The following SLC4A4 variants were observed in gnomAD, a reference collection of about 807,000 sequenced individuals.
The protein encoded by SLC4A4 is electrogenic sodium bicarbonate cotransporter 1.
Under a neutral mutation model 111.5 loss-of-function variants are expected in SLC4A4, and 27 were observed. The ratio of observed to expected loss-of-function variants is 0.24; its 90% CI spans 0.18 to 0.33. The LOEUF is 0.33. SLC4A4 is among the 10% of genes least tolerant of loss of function. The probability of loss-of-function intolerance (pLI) is 1.00; values close to 1 mark genes in which losing one functional copy is unlikely to be tolerated. For synonymous variants in SLC4A4, 443 were observed against 463.4 expected (o/e 0.96, Z 0.57); for missense variants, 909 against 1,315.5 (o/e 0.69, Z 4.78).
At chr4:71,402,381 T>C (rs192976388) in intron 7 of SLC4A4, among the ~76,000 whole-genome samples, 4 of 152,286 alleles carry the variant, frequency 2.6e-5, no homozygotes, top group South Asian at 4.1e-4. Flanking sequence ...ATAAAGCTTC[T>C]CTTAGCATTA....
At chr4:71,112,837 T>A (rs1293005293) in intron 2 of SLC4A4, among the ~76,000 whole-genome samples, 2 of 152,242 alleles carry the variant, frequency 1.3e-5, no homozygotes, top group African/African-American at 4.8e-5. Flanking sequence ...TTGAAGGGGC[T>A]TTCCTACTTT....
chr4:71,519,808 A>T (rs749035828), intron 16 of SLC4A4, among the ~76,000 whole-genome samples: 1 of 151,622 alleles, frequency 6.6e-6, no homozygotes, highest in Non-Finnish European at 1.5e-5. Context: ...CATATTTTGT[A>T]TTTTTTTGTT....
intron 2 of SLC4A4, among the ~76,000 whole-genome samples, chr4:71,133,566 T>TA (rs1311625463): frequency 6.6e-6 from 1 of 152,164 alleles, no homozygotes; most frequent in Non-Finnish European, 1.5e-5. Flanking sequence ...TTCCTTACAT[T>TA]ATGGCTGCCT....
chr4:71,413,002 G>A (rs1046172904), intron 7 of SLC4A4, among the ~76,000 whole-genome samples: 5 of 152,148 alleles, frequency 3.3e-5, no homozygotes, highest in African/African-American at 1.2e-4. Context: ...TAACCTACTG[G>A]TGGCTCAGCC....
intron 2 of SLC4A4, among the ~76,000 whole-genome samples, chr4:71,127,226 C>A (rs574258864): frequency 6.6e-6 from 1 of 152,294 alleles, no homozygotes; most frequent in East Asian, 1.9e-4. Flanking sequence ...TTTGTAGAAA[C>A]ATATGGCCAT....
At chr4:71,194,656 C>T (rs1203405119) in intron 1 of SLC4A4, among the ~76,000 whole-genome samples, 1 of 152,154 alleles carries the variant, frequency 6.6e-6, no homozygotes, top group Non-Finnish European at 1.5e-5. Flanking sequence ...AATGATTACA[C>T]TGCTCTTCAC....
chr4:71,533,312 A>G (rs1734107371), intron 17 of SLC4A4, among the ~76,000 whole-genome samples: 1 of 152,234 alleles, frequency 6.6e-6, no homozygotes, highest in Admixed American at 6.5e-5. Context: ...GAGTAAGACA[A>G]ATTTTTTTCC....
intron 2 of SLC4A4, among the ~76,000 whole-genome samples, chr4:71,125,708 G>A (rs1254360663): frequency 1.3e-5 from 2 of 152,126 alleles, no homozygotes; most frequent in African/African-American, 2.4e-5. Flanking sequence ...TTAGTTAATG[G>A]TATCAAGGCA....
chr4:71,197,602 C>T (rs184833691), intron 1 of SLC4A4, among the ~76,000 whole-genome samples: 21 of 152,246 alleles, frequency 1.4e-4, no homozygotes, highest in African/African-American at 5.1e-4. Context: ...CCCCAATGAA[C>T]ACCACTTTAA....
Position 71,130,115 on chromosome 4 carries a change from T to C in SLC4A4, c.-2+37323T>C, listed in dbSNP as rs545249423. Among the ~76,000 whole-genome samples the C allele has an allele frequency of 8.9e-4, 136 of 152,338 alleles. No individual in the cohort carries two copies. The Middle Eastern group carries it at 0.017, about 19-fold the overall frequency. The stretch of plus-strand genomic sequence containing the variant: ...TTTACCTATATGACAAACCTGCACA[T>C]GTACCCTTAAACCTAAAATAAAAGT... On this transcript the variant is annotated intron_variant, in intron 2 of 26. Coordinates refer to the SLC4A4 transcript ENST00000649996.
At chr4:71,225,176 A>G (rs961418794) in intron 1 of SLC4A4, among the ~76,000 whole-genome samples, 2 of 152,086 alleles carry the variant, frequency 1.3e-5, no homozygotes, top group Non-Finnish European at 2.9e-5. Context: ...ACATGGTGAA[A>G]CCCCATCTCT....
chr4:71,349,647 A>G (rs943133285), intron 4 of SLC4A4, among the ~76,000 whole-genome samples: 5 of 152,212 alleles, frequency 3.3e-5, no homozygotes, highest in African/African-American at 4.8e-5. Flanking sequence ...ATGGTTACAT[A>G]TAGGCAGATA....
chr4:71,152,998 A>G (rs1046053404), intron 2 of SLC4A4, among the ~76,000 whole-genome samples: 1 of 143,534 alleles, frequency 7.0e-6, no homozygotes, highest in African/African-American at 2.6e-5. Flanking sequence ...TGTATATATA[A>G]ATATATATGT....
At chr4:71,237,378 A>C (rs1000053379) in intron 2 of SLC4A4, among the ~76,000 whole-genome samples, 6 of 152,220 alleles carry the variant, frequency 3.9e-5, no homozygotes, top group Non-Finnish European at 8.8e-5. Context: ...AAGGCATCAC[A>C]GATATATGTT....
In SLC4A4 at chr4:71,311,890, T is replaced by A. The variant is rs76947748; in HGVS notation, c.254-27480T>A. Among the ~76,000 whole-genome samples the A allele has an allele frequency of 6.8e-3, 523 of 76,594 alleles. 8 individuals are homozygous for A. Among genetic ancestry groups the A allele is most frequent in the South Asian group, 0.031 (59 of 1,928 alleles). The allele number at this position is 76,594 out of a possible 152,430, so 50.2% of individuals were successfully genotyped here. A position where few individuals can be genotyped will look rare whatever the true frequency, so the allele number is the denominator to read the frequency against. The stretch of plus-strand genomic sequence containing the variant: ...GAGCCTGAGCAAATGTGCAAGGCTG[T>A]GAGAGAGAGAGAGAGAGAGAGAGAG... On this transcript the variant is annotated intron_variant, in intron 3 of 25. Transcript: ENST00000264485.
chr4:71,381,460 G>A lies in SLC4A4; in HGVS notation c.731-16117G>A, dbSNP rs557167131. The stretch of plus-strand genomic sequence containing the variant: ...GTTATTATTATAATAATGACCAAGA[G>A]AGCTGTGACTGTTGTCTTCAGTAAC... On this transcript the variant is annotated intron_variant, in intron 6 of 25. Coordinates refer to ENST00000264485, the MANE Select transcript of SLC4A4 (RefSeq NM_001098484.3). Among the ~76,000 whole-genome samples, 10 of 152,264 alleles carry A rather than the reference G, an allele frequency of 6.6e-5. No individual in the cohort carries two copies. In the East Asian group the frequency reaches 1.9e-3, roughly 29 times the overall value.
At chr4:71,384,913 G>C (rs137877668) in intron 6 of SLC4A4, among the ~76,000 whole-genome samples, 1 of 151,528 alleles carries the variant, frequency 6.6e-6, no homozygotes, top group Non-Finnish European at 1.5e-5. Flanking sequence ...AGCATTAGGA[G>C]AAATACCTAA....
At chr4:71,535,477 A>G (rs1402072010) in intron 18 of SLC4A4, among the ~76,000 whole-genome samples, 1 of 152,136 alleles carries the variant, frequency 6.6e-6, no homozygotes, top group Non-Finnish European at 1.5e-5. Flanking sequence ...CAAAGAAGAG[A>G]TGTTTAGATT....
chr4:71,533,320 T>C (rs1734108711), intron 17 of SLC4A4, among the ~76,000 whole-genome samples: 1 of 152,248 alleles, frequency 6.6e-6, no homozygotes, highest in Admixed American at 6.5e-5. Flanking sequence ...CAAATTTTTT[T>C]CCCTGACAAG....
Sources: allele counts gnomAD v4.1 joint callset (sites outside exome capture counted in the v4.1 genomes callset), GRCh38; gene constraint gnomAD v4.1.1; transcripts MANE v1.5; gene names NCBI Gene and HGNC (gene_info 2026-07-23, HGNC 2026-07-21).